Variants in CREB1 observed in about 807,000 individuals in gnomAD.
CREB1 encodes cyclic AMP-responsive element-binding protein 1.
In CREB1, 2 loss-of-function variants were observed where a neutral mutation model predicts 42.0. That is an observed-to-expected ratio of 0.05 (90% CI 0.02 to 0.15). The LOEUF (loss-of-function observed/expected upper bound fraction) is 0.15, where lower values mean the gene tolerates loss of function less well. Among genes scored for constraint, CREB1 ranks in the 10% least tolerant of loss-of-function variants. The probability of loss-of-function intolerance (pLI) is 1.00; values close to 1 mark genes in which losing one functional copy is unlikely to be tolerated. For missense variants in CREB1, 199 were observed against 388.9 expected (o/e 0.51, Z 4.11); for synonymous variants, 123 against 139.9 (o/e 0.88, Z 0.85).
intron 7 of CREB1, chr2:207,582,820 G>A (rs2083150336): frequency 6.1e-6 from 2 of 327,780 alleles, no homozygotes; most frequent in Non-Finnish European, 1.2e-5. Context: ...GCGAACCTGG[G>A]AGGTGGAAGT....
chr2:207,556,779 C>A (rs966520136), intron 2 of CREB1, among the ~76,000 whole-genome samples: 1 of 152,190 alleles, frequency 6.6e-6, no homozygotes, highest in Non-Finnish European at 1.5e-5. Flanking sequence ...GGACTTCCAT[C>A]AATATAGGGT....
chr2:207,570,061 AAC>A, intron 4 of CREB1, 116 bp from the exon 5 acceptor site: 5 of 651,290 alleles, frequency 7.7e-6, no homozygotes, highest in East Asian at 3.4e-5. Context: ...AAAAAAAAAA[AAC>A]CTTCTGTCCT....
intron 3 of CREB1, among the ~76,000 whole-genome samples, chr2:207,563,750 C>T (rs1030607320): frequency 3.3e-5 from 5 of 152,108 alleles, no homozygotes; most frequent in African/African-American, 4.8e-5. Flanking sequence ...TCGAGATCAG[C>T]CTGGCCAACA....
chr2:207,553,858 T>C (rs1348290035), intron 1 of CREB1, among the ~76,000 whole-genome samples: 2 of 152,244 alleles, frequency 1.3e-5, no homozygotes. Context: ...GCTTATAGTT[T>C]AGTGTTTAAT....
chr2:207,563,810 G>T (rs1441418598), intron 3 of CREB1, among the ~76,000 whole-genome samples: 2 of 152,086 alleles, frequency 1.3e-5, no homozygotes, highest in Non-Finnish European at 2.9e-5. Context: ...CAGGCGTGGT[G>T]GTAGGCACCT....
chr2:207,581,709 G>C (rs1281663037), intron 7 of CREB1: 1 of 594,220 alleles, frequency 1.7e-6, no homozygotes, highest in East Asian at 2.8e-5. Flanking sequence ...TACATAACCA[G>C]GGTACATTTA....
intron 6 of CREB1, chr2:207,577,019 C>A: frequency 1.1e-6 from 1 of 922,246 alleles, no homozygotes; most frequent in Non-Finnish European, 1.3e-6. Flanking sequence ...TGTTTTAATT[C>A]AAAATTTATA....
At chr2:207,539,707 G>T (rs1042784444) in intron 1 of CREB1, among the ~76,000 whole-genome samples, 1 of 152,142 alleles carries the variant, frequency 6.6e-6, no homozygotes, top group South Asian at 2.1e-4. Context: ...TTACTGTCTT[G>T]AAGAGCTACA....
intron 7 of CREB1, among the ~76,000 whole-genome samples, chr2:207,583,475 C>T (rs1201317307): frequency 1.3e-5 from 2 of 152,132 alleles, no homozygotes; most frequent in Non-Finnish European, 2.9e-5. Flanking sequence ...AACAGGATTA[C>T]CAGTTACAGT....
At chr2:207,537,209 C>G (rs894549187) in intron 1 of CREB1, among the ~76,000 whole-genome samples, 2 of 151,940 alleles carry the variant, frequency 1.3e-5, no homozygotes, top group Non-Finnish European at 2.9e-5. Flanking sequence ...CGCCTGCCAC[C>G]ATGCCCAGCT....
rs945833419 is a variant in CREB1, at chr2:207,600,216, G to A, written c.*3158G>A. 33 of 160,688 alleles carry A rather than the reference G, an allele frequency of 2.1e-4. No individual in the cohort carries two copies. The highest frequency in any genetic ancestry group is 8.5e-4 in the African/African-American group (33 of 38,864). The allele number at this position is 160,688 out of a possible 1,614,324, so 10.0% of individuals were successfully genotyped here. On this transcript the variant is annotated 3_prime_UTR_variant, in exon 8 of 8. Coordinates refer to ENST00000353267, the MANE Select transcript of CREB1 (RefSeq NM_004379.5). ...CATTTAGATATTCTTGGGGGGGGTG[G>A]CATTTGTATAATATATGTGTACATA...
chr2:207,552,075 G>C (rs897166034), intron 1 of CREB1, among the ~76,000 whole-genome samples: 3 of 143,300 alleles, frequency 2.1e-5, no homozygotes, highest in Non-Finnish European at 4.6e-5. Context: ...AAATTAAGAA[G>C]GCTATCCTCT....
chr2:207,598,833 A>G lies in CREB1; in HGVS notation c.*1775A>G, dbSNP rs2086599813. On this transcript the variant is annotated 3_prime_UTR_variant, in exon 8 of 8. Transcript: ENST00000353267. ...ATTGCACTCCAGCCTGGGCGACTCC[A>G]TCTCAAAAAATAAAAATAAAAAAAA... is the stretch of plus-strand genomic sequence containing the variant. 1 of 123,108 alleles carries G rather than the reference A, an allele frequency of 8.1e-6. No individual in the cohort carries two copies. The highest frequency in any genetic ancestry group is 1.6e-5 in the Non-Finnish European group (1 of 63,788). The allele number at this position is 123,108 out of a possible 1,614,324, so 7.6% of individuals were successfully genotyped here. A position where few individuals can be genotyped will look rare whatever the true frequency, so the allele number is the denominator to read the frequency against.
chr2:207,560,168 A>G (rs1248757363), intron 2 of CREB1, 58 bp from the exon 3 acceptor site: 19 of 1,446,230 alleles, frequency 1.3e-5, no homozygotes, highest in Non-Finnish European at 1.8e-5. Context: ...CATATTGAAC[A>G]TGAGTACTGC....
At chr2:207,595,817 C>T (rs2086044700) in intron 7 of CREB1, among the ~76,000 whole-genome samples, 2 of 152,186 alleles carry the variant, frequency 1.3e-5, no homozygotes, top group African/African-American at 4.8e-5. Context: ...GATTCTCCCA[C>T]CTCAGCCTCC....
At chr2:207,549,909 G>T (rs1384787583) in intron 1 of CREB1, among the ~76,000 whole-genome samples, 1 of 151,852 alleles carries the variant, frequency 6.6e-6, no homozygotes, top group African/African-American at 2.4e-5. Flanking sequence ...GGCGGGGGTT[G>T]CAGTGAGCTG....
chr2:207,589,176 G>C (rs1254687053), intron 7 of CREB1, among the ~76,000 whole-genome samples: 4 of 152,130 alleles, frequency 2.6e-5, no homozygotes, highest in Non-Finnish European at 5.9e-5. Flanking sequence ...TATAAGATCA[G>C]AGGCCTTCAT....
intron 1 of CREB1, among the ~76,000 whole-genome samples, chr2:207,539,370 T>C (rs994343378): frequency 9.9e-5 from 15 of 151,996 alleles, no homozygotes; most frequent in African/African-American, 3.6e-4. Flanking sequence ...GGGGAGTCAT[T>C]TTCTTATAAT....
chr2:207,542,118 G>T (rs1574774605), intron 1 of CREB1, among the ~76,000 whole-genome samples: 1 of 152,080 alleles, frequency 6.6e-6, no homozygotes, highest in African/African-American at 2.4e-5. Context: ...TTATGAAAAT[G>T]CTGCCATAAA....
Sources: gnomAD v4.1 joint callset for allele counts (sites outside exome capture counted in the v4.1 genomes callset) on GRCh38, gnomAD v4.1.1 for gene constraint, MANE v1.5 for transcripts, NCBI Gene and HGNC (gene_info 2026-07-23, HGNC 2026-07-21) for gene names.